Variants in PRELID2 observed in about 807,000 individuals in gnomAD.
PRELID2 encodes PRELI domain-containing protein 2.
PRELID2 carries 25 observed loss-of-function variants against 28.4 expected under a neutral mutation model. The ratio of observed to expected loss-of-function variants is 0.88; its 90% CI spans 0.64 to 1.23. The LOEUF (loss-of-function observed/expected upper bound fraction) is 1.23. Among genes scored for constraint, PRELID2 ranks in the 50% most tolerant of loss-of-function variants. The pLI is 0.00. For missense variants in PRELID2, 201 were observed against 214.4 expected, an observed-to-expected ratio of 0.94 and a Z score of 0.39; for synonymous variants, 76 against 71.6, an observed-to-expected ratio of 1.06 and a Z score of -0.31.
At chr5:145,620,015 T>C (rs1003561549) in intron 1 of PRELID2, among the ~76,000 whole-genome samples, 1 of 152,188 alleles carries the variant, frequency 6.6e-6, no homozygotes, top group Non-Finnish European at 1.5e-5. Context: ...TTGTAAATTA[T>C]TTTAGGCTCT....
At position 145,691,362 on chromosome 5, in the gene PRELID2, C is replaced by A. The variant is rs575940169; in HGVS notation, n.70+73569G>T. On this transcript the variant is annotated intron_variant and non_coding_transcript_variant, in intron 1 of 2. Coordinates refer to the PRELID2 transcript ENST00000510259. ...TGAGAAGTAGAGCCAAGGCTAGCCA[C>A]AAATGAATCAATCAAGCCTAACCGT... Among the ~76,000 whole-genome samples, 10 of 152,248 alleles carry A rather than the reference C, an allele frequency of 6.6e-5. No individual in the cohort carries two copies. In the South Asian group the frequency reaches 2.1e-3, roughly 32 times the overall value.
intron 1 of PRELID2, among the ~76,000 whole-genome samples, chr5:145,734,199 T>C (rs931989986): frequency 1.3e-5 from 2 of 152,154 alleles, no homozygotes; most frequent in African/African-American, 4.8e-5. Flanking sequence ...CACTGCAGCC[T>C]TGAACTCCTA....
intron 1 of PRELID2, among the ~76,000 whole-genome samples, chr5:145,650,531 C>CATATAT (rs56324486): frequency 4.7e-3 from 325 of 68,634 alleles, no homozygotes; most frequent in Non-Finnish European, 6.6e-3. Context: ...CACATATATA[C>CATATAT]ATATATATAT....
intron 1 of PRELID2, among the ~76,000 whole-genome samples, chr5:145,686,162 A>G (rs563029560): frequency 7.9e-5 from 12 of 152,264 alleles, no homozygotes; most frequent in African/African-American, 2.6e-4. Context: ...AGTCTGTTAC[A>G]TGCCTTCCTG....
chr5:145,265,303 T>C, the PRELID2 span, among the ~76,000 whole-genome samples: 1 of 152,084 alleles, frequency 6.6e-6, no homozygotes, highest in Admixed American at 6.6e-5. Flanking sequence ...AAAACACTGC[T>C]GAAAGAAATC....
the PRELID2 span, among the ~76,000 whole-genome samples, chr5:145,373,321 TATATAATATA>T: frequency 4.0e-4 from 42 of 103,750 alleles, 1 homozygote; most frequent in African/African-American, 1.5e-3. Context: ...TATTACAACA[TATATAATATA>T]CGATATATAT....
chr5:145,412,484 A>C, the PRELID2 span, among the ~76,000 whole-genome samples: 10 of 152,112 alleles, frequency 6.6e-5, no homozygotes, highest in Non-Finnish European at 1.3e-4. Flanking sequence ...TGTTCATATC[A>C]CTATAGCATT....
intron 1 of PRELID2, among the ~76,000 whole-genome samples, chr5:145,488,070 G>A (rs1296330342): frequency 1.4e-5 from 2 of 142,342 alleles, no homozygotes; most frequent in East Asian, 2.2e-4. Flanking sequence ...GTTGCAGTGA[G>A]CCGAGATCAC....
the PRELID2 span, among the ~76,000 whole-genome samples, chr5:145,339,260 T>G: frequency 1.3e-5 from 2 of 152,100 alleles, no homozygotes; most frequent in Non-Finnish European, 2.9e-5. Context: ...AACAGAGAAG[T>G]GACAGACAGC....
intron 1 of PRELID2, among the ~76,000 whole-genome samples, chr5:145,691,471 C>A (rs111404289): frequency 6.6e-6 from 1 of 151,924 alleles, no homozygotes; most frequent in African/African-American, 2.4e-5. Flanking sequence ...GTTGGGAGGC[C>A]GAGGCAGGGG....
chr5:145,787,107 C>T (rs549013735), intron 5 of PRELID2, among the ~76,000 whole-genome samples: 23 of 152,190 alleles, frequency 1.5e-4, no homozygotes, highest in South Asian at 1.5e-3. Context: ...TATTTCATCA[C>T]ACATTGAAAA....
intron 1 of PRELID2, among the ~76,000 whole-genome samples, chr5:145,667,406 T>C (rs1581039922): frequency 1.3e-5 from 2 of 152,106 alleles, no homozygotes; most frequent in Non-Finnish European, 2.9e-5. Flanking sequence ...TTCAAATGCA[T>C]TGTTCTATGT....
At chr5:145,718,428 T>C (rs1342782260) in intron 1 of PRELID2, among the ~76,000 whole-genome samples, 1 of 151,898 alleles carries the variant, frequency 6.6e-6, no homozygotes, top group Admixed American at 6.6e-5. Context: ...TTAGAATAAA[T>C]GGAAAGATCT....
chr5:145,780,473 A>G (rs1216494814), intron 5 of PRELID2, among the ~76,000 whole-genome samples: 1 of 152,222 alleles, frequency 6.6e-6, no homozygotes, highest in Non-Finnish European at 1.5e-5. Context: ...CCAAGGTCAT[A>G]CAGCTGGTCA....
intron 1 of PRELID2, among the ~76,000 whole-genome samples, chr5:145,645,381 T>C (rs1319279279): frequency 6.9e-6 from 1 of 145,450 alleles, no homozygotes; most frequent in Non-Finnish European, 1.5e-5. Context: ...TTGCTTTCCA[T>C]TTGCTTGGTA....
At chr5:145,820,898 C>T (rs567075999) in intron 2 of PRELID2, among the ~76,000 whole-genome samples, 2 of 152,226 alleles carry the variant, frequency 1.3e-5, no homozygotes, top group South Asian at 4.1e-4. Context: ...GACAGCCAAG[C>T]GGGCAACCTG....
chr5:145,415,825 T>G, the PRELID2 span, among the ~76,000 whole-genome samples: 1 of 151,836 alleles, frequency 6.6e-6, no homozygotes, highest in East Asian at 1.9e-4. Flanking sequence ...CAAATCGTAT[T>G]TCTAGTTCTA....
At chr5:145,286,702 GT>G in the PRELID2 span, among the ~76,000 whole-genome samples, 2,726 of 96,600 alleles carry the variant, frequency 0.028, 94 homozygotes, top group African/African-American at 0.13. Flanking sequence ...AGAAGTTTTT[GT>G]TTTTTTTTGT....
intron 1 of PRELID2, among the ~76,000 whole-genome samples, chr5:145,617,731 CTT>C (rs71581832): frequency 1.0e-4 from 14 of 140,530 alleles, no homozygotes; most frequent in African/African-American, 1.3e-4. Flanking sequence ...TCTTTTCTTT[CTT>C]TTTTTTTTTT....
Sources: gnomAD v4.1 joint callset for allele counts (sites outside exome capture counted in the v4.1 genomes callset) on GRCh38, gnomAD v4.1.1 for gene constraint, MANE v1.5 for transcripts, NCBI Gene and HGNC (gene_info 2026-07-23, HGNC 2026-07-21) for gene names.